HS6ST3: variants seen among roughly 807,000 people sequenced by gnomAD.
HS6ST3 encodes the protein heparan-sulfate 6-O-sulfotransferase 3.
A neutral mutation model predicts 36.7 loss-of-function variants in HS6ST3; 12 were observed. The ratio of observed to expected loss-of-function variants is 0.33; its 90% CI spans 0.21 to 0.53. The LOEUF is 0.53. Among genes scored for constraint, HS6ST3 ranks in the 20% least tolerant of loss-of-function variants. The pLI is 0.95. For synonymous variants in HS6ST3, 240 were observed against 257.5 expected (o/e 0.93, Z 0.65); for missense variants, 584 against 640.9 (o/e 0.91, Z 0.96).
chr13:96,721,449 T>C (rs1184952736), intron 1 of HS6ST3, among the ~76,000 whole-genome samples: 1 of 152,182 alleles, frequency 6.6e-6, no homozygotes, highest in African/African-American at 2.4e-5. Context: ...GAGAAGTTTA[T>C]ATTCAAGGAA....
chr13:96,581,946 A>G (rs1192145932), intron 1 of HS6ST3, among the ~76,000 whole-genome samples: 1 of 152,186 alleles, frequency 6.6e-6, no homozygotes, highest in East Asian at 1.9e-4. Context: ...AATTCTAGTC[A>G]TAATACCAGA....
chr13:96,212,229 A>G (rs539274768), intron 1 of HS6ST3, among the ~76,000 whole-genome samples: 1 of 152,360 alleles, frequency 6.6e-6, no homozygotes, highest in South Asian at 2.1e-4. Flanking sequence ...AGTTTTAGCC[A>G]CGCACACAAG....
intron 1 of HS6ST3, among the ~76,000 whole-genome samples, chr13:96,461,739 C>T (rs1053161549): frequency 6.6e-6 from 1 of 152,168 alleles, no homozygotes; most frequent in African/African-American, 2.4e-5. Context: ...TGCCAAGTGA[C>T]TCCACCAGAT....
intron 1 of HS6ST3, among the ~76,000 whole-genome samples, chr13:96,408,892 C>G (rs995409088): frequency 1.3e-5 from 2 of 151,850 alleles, no homozygotes; most frequent in Admixed American, 6.6e-5. Flanking sequence ...CCACTGCACT[C>G]CAGCTTTGGT....
intron 1 of HS6ST3, among the ~76,000 whole-genome samples, chr13:96,736,743 C>A (rs1876294331): frequency 1.3e-5 from 2 of 151,786 alleles, no homozygotes; most frequent in South Asian, 4.2e-4. Flanking sequence ...AAAATAGAAC[C>A]AAAAACATTC....
chr13:96,625,927 G>A (rs972832842), intron 1 of HS6ST3, among the ~76,000 whole-genome samples: 1 of 151,014 alleles, frequency 6.6e-6, no homozygotes, highest in African/African-American at 2.4e-5. Flanking sequence ...TGCAAGCTCC[G>A]CCTCCCAGGT....
At chr13:96,258,687 C>T (rs2054649679) in intron 1 of HS6ST3, among the ~76,000 whole-genome samples, 1 of 152,050 alleles carries the variant, frequency 6.6e-6, no homozygotes, top group Non-Finnish European at 1.5e-5. Flanking sequence ...TTAGTATATC[C>T]CCAACATCCA....
intron 1 of HS6ST3, among the ~76,000 whole-genome samples, chr13:96,492,303 C>T (rs556744044): frequency 7.9e-4 from 121 of 152,316 alleles, no homozygotes; most frequent in Non-Finnish European, 1.6e-3. Flanking sequence ...TTCTCTCAGC[C>T]AACTTTGGAA....
At chr13:96,397,536 G>A (rs900603233) in intron 1 of HS6ST3, among the ~76,000 whole-genome samples, 1 of 151,950 alleles carries the variant, frequency 6.6e-6, no homozygotes, top group African/African-American at 2.4e-5. Flanking sequence ...ATTTATTTAT[G>A]GACAAGAACT....
chr13:96,624,131 A>G (rs1375619871), intron 1 of HS6ST3, among the ~76,000 whole-genome samples: 1 of 152,164 alleles, frequency 6.6e-6, no homozygotes, highest in Non-Finnish European at 1.5e-5. Context: ...ACACGTGTTT[A>G]TGTGTGCATA....
At chr13:96,557,730 C>A (rs775104685) in intron 1 of HS6ST3, among the ~76,000 whole-genome samples, 4 of 152,186 alleles carry the variant, frequency 2.6e-5, no homozygotes, top group Non-Finnish European at 5.9e-5. Flanking sequence ...CATCCTCTAT[C>A]ATGATAATAG....
At chr13:96,626,890 A>G (rs1324476953) in intron 1 of HS6ST3, among the ~76,000 whole-genome samples, 1 of 152,072 alleles carries the variant, frequency 6.6e-6, no homozygotes, top group Non-Finnish European at 1.5e-5. Flanking sequence ...ATAATTTTCA[A>G]TACTCATTTT....
intron 1 of HS6ST3, among the ~76,000 whole-genome samples, chr13:96,571,367 C>G (rs1280578678): frequency 6.6e-6 from 1 of 152,182 alleles, no homozygotes; most frequent in East Asian, 1.9e-4. Context: ...TAACTTCAAA[C>G]TGAGCACTAT....
Position 96,279,415 on chromosome 13 carries a change from G to A in HS6ST3, c.707+187846G>A, listed in dbSNP as rs542804022. ...CTAGCATTGTGGAGTTTATAGTTGA[G>A]GACTAGGAGAATATAGACGTTAAAC... On this transcript the variant is annotated intron_variant, in intron 1 of 1. Coordinates refer to ENST00000376705, the MANE Select transcript of HS6ST3 (RefSeq NM_153456.4). 2.5e-4 allele frequency among the ~76,000 whole-genome samples: 38 copies of A among 152,208 alleles called. 1 individual carries two copies. The highest frequency in any genetic ancestry group is 8.4e-4 in the African/African-American group (35 of 41,530).
In HS6ST3 at chr13:96,231,092, G is replaced by A. The variant is rs149277406; in HGVS notation, c.707+139523G>A. Among the ~76,000 whole-genome samples, 524 of 152,232 alleles carry A rather than the reference G, an allele frequency of 3.4e-3. 5 individuals are homozygous for A. The highest frequency in any genetic ancestry group is 0.012 in the African/African-American group (502 of 41,544). On this transcript the variant is annotated intron_variant, in intron 1 of 1. Transcript: ENST00000376705. ...AATGTGGAAGTGGCCAGTTAGGAAA[G>A]CAGGGAGGGGCTGCCTCAGTGAAAC... is the stretch of plus-strand genomic sequence containing the variant.
At chr13:96,546,865 G>A (rs374469365) in intron 1 of HS6ST3, among the ~76,000 whole-genome samples, 2 of 152,064 alleles carry the variant, frequency 1.3e-5, no homozygotes, top group Admixed American at 6.5e-5. Flanking sequence ...TTTCAGCATC[G>A]GCCTGGGACC....
intron 1 of HS6ST3, among the ~76,000 whole-genome samples, chr13:96,317,201 G>A (rs2139412302): frequency 6.6e-6 from 1 of 151,330 alleles, no homozygotes; most frequent in African/African-American, 2.4e-5. Context: ...CCATTTATGA[G>A]TGAGAATATG....
chr13:96,253,693 G>A (rs961743005), intron 1 of HS6ST3, among the ~76,000 whole-genome samples: 1 of 152,120 alleles, frequency 6.6e-6, no homozygotes, highest in East Asian at 1.9e-4. Flanking sequence ...CCCCCTGGCA[G>A]CAGACAGTGG....
intron 1 of HS6ST3, among the ~76,000 whole-genome samples, chr13:96,548,017 T>A (rs969139025): frequency 2.0e-5 from 3 of 152,168 alleles, no homozygotes; most frequent in African/African-American, 7.2e-5. Context: ...AAGAGTGTAA[T>A]GTTTACAGAA....
Sources: gnomAD v4.1 joint callset for allele counts (sites outside exome capture counted in the v4.1 genomes callset) on GRCh38, gnomAD v4.1.1 for gene constraint, MANE v1.5 for transcripts, NCBI Gene and HGNC (gene_info 2026-07-23, HGNC 2026-07-21) for gene names.